The following VAV2 variants were observed in gnomAD, a reference collection of about 807,000 sequenced individuals.
The protein encoded by VAV2 is vav guanine nucleotide exchange factor 2.
In VAV2, 67 loss-of-function variants were observed where a neutral mutation model predicts 132.5. That is an observed-to-expected ratio of 0.51 (90% confidence interval 0.42 to 0.62). VAV2 has a LOEUF of 0.62. VAV2 is among the 20% of genes least tolerant of loss of function. The pLI, the probability that VAV2 is intolerant of heterozygous loss-of-function variation, is 0.00. For synonymous variants in VAV2, 492 were observed against 443.5 expected (o/e 1.11, Z -1.37); for missense variants, 938 against 1,153.6 (o/e 0.81, Z 2.71).
intron 2 of VAV2, among the ~76,000 whole-genome samples, chr9:133,905,927 C>A (rs1011314698): frequency 1.6e-4 from 24 of 152,128 alleles, no homozygotes; most frequent in African/African-American, 5.6e-4. Flanking sequence ...GTAATCCCAG[C>A]TACTTGGGAG....
intron 1 of VAV2, among the ~76,000 whole-genome samples, chr9:133,981,762 G>A (rs995082049): frequency 3.3e-5 from 5 of 152,312 alleles, no homozygotes; most frequent in East Asian, 1.9e-4. Flanking sequence ...GCCACTCATC[G>A]TGTTTCCAAG....
chr9:133,881,420 G>T (rs900396603), intron 2 of VAV2, among the ~76,000 whole-genome samples: 1 of 152,220 alleles, frequency 6.6e-6, no homozygotes, highest in African/African-American at 2.4e-5. Flanking sequence ...AGGGGCCTGG[G>T]TGACAGGAGG....
chr9:133,853,229 G>T, intron 3 of VAV2, among the ~76,000 whole-genome samples: 1 of 152,204 alleles, frequency 6.6e-6, no homozygotes, highest in East Asian at 1.9e-4. Context: ...GTGTTCTGCT[G>T]CCCCTGCAGA....
intron 13 of VAV2, 87 bp from the exon 14 acceptor site, chr9:133,789,430 C>T: frequency 7.6e-7 from 1 of 1,311,360 alleles, no homozygotes; most frequent in Non-Finnish European, 1.1e-6. Flanking sequence ...GTCGTGCACC[C>T]AAGGGAACTC....
chr9:133,964,062 T>TAC (rs1842065006), intron 1 of VAV2, among the ~76,000 whole-genome samples: 1 of 137,714 alleles, frequency 7.3e-6, no homozygotes, highest in Non-Finnish European at 1.5e-5. Flanking sequence ...TATATATACA[T>TAC]ATATATAAAT....
rs752685749 is a variant in VAV2, at chr9:133,812,222, CAGG to C, written c.450-9_450-7del. On this transcript the variant is annotated splice_polypyrimidine_tract_variant and splice_region_variant and intron_variant, in intron 4 of 29. Coordinates refer to ENST00000371850, the MANE Select transcript of VAV2 (RefSeq NM_001134398.2). ...CCTCCCCCAGGTCATGCTCGCTGCA[CAGG>C]AGGAGGCGGGTTAGAGGGGAGGGGA... The C allele has an allele frequency of 8.1e-6, 13 of 1,613,394 alleles. No homozygotes were observed. Among genetic ancestry groups the C allele is most frequent in the African/African-American group, 4.0e-5 (3 of 74,928 alleles).
intron 3 of VAV2, among the ~76,000 whole-genome samples, chr9:133,853,615 A>G: frequency 6.6e-6 from 1 of 151,874 alleles, no homozygotes; most frequent in East Asian, 1.9e-4. Context: ...CAACCCACAC[A>G]TGCCGCCCCC....
chr9:133,901,080 A>G (rs1245344525), intron 2 of VAV2, among the ~76,000 whole-genome samples: 3 of 152,164 alleles, frequency 2.0e-5, no homozygotes, highest in Middle Eastern at 3.4e-3. Flanking sequence ...TATCATAGGC[A>G]TGAGCCACCG....
intron 1 of VAV2, among the ~76,000 whole-genome samples, chr9:133,944,318 C>T (rs1443932581): frequency 6.6e-6 from 1 of 152,168 alleles, no homozygotes; most frequent in African/African-American, 2.4e-5. Flanking sequence ...CCTCGCCCTC[C>T]AGAGCTGGCA....
intron 4 of VAV2, among the ~76,000 whole-genome samples, chr9:133,828,863 CTGGGAT>C (rs1836154381): frequency 6.6e-6 from 1 of 152,244 alleles, no homozygotes; most frequent in African/African-American, 2.4e-5. Context: ...ACTCCTCCTG[CTGGGAT>C]AGTGCCCCGG....
intron 2 of VAV2, among the ~76,000 whole-genome samples, chr9:133,867,102 C>T (rs1040405834): frequency 2.0e-5 from 3 of 152,162 alleles, no homozygotes; most frequent in Admixed American, 2.0e-4. Flanking sequence ...ACAACACCGC[C>T]CGTGAGTGCC....
intron 3 of VAV2, among the ~76,000 whole-genome samples, chr9:133,841,728 C>A (rs570115125): frequency 1.3e-5 from 2 of 152,346 alleles, no homozygotes; most frequent in South Asian, 4.1e-4. Flanking sequence ...GGTCTGGGTT[C>A]AAGCCCTGGC....
At chr9:133,778,040 G>A (rs1833876429) in intron 22 of VAV2, among the ~76,000 whole-genome samples, 1 of 152,172 alleles carries the variant, frequency 6.6e-6, no homozygotes, top group South Asian at 2.1e-4. Context: ...AGGGGCCGAG[G>A]ACTGGGGGTC....
intron 2 of VAV2, among the ~76,000 whole-genome samples, chr9:133,914,486 CA>C (rs1227776064): frequency 5.4e-5 from 8 of 149,152 alleles, no homozygotes; most frequent in African/African-American, 1.5e-4. Flanking sequence ...ACACCACACT[CA>C]GGGGAAGATG....
chr9:133,913,281 G>A (rs994733205), intron 2 of VAV2, among the ~76,000 whole-genome samples: 5 of 152,172 alleles, frequency 3.3e-5, no homozygotes, highest in Admixed American at 1.3e-4. Context: ...AAAAACACGC[G>A]TTGCCACCAC....
intron 1 of VAV2, among the ~76,000 whole-genome samples, chr9:133,963,449 A>C (rs557225002): frequency 1.3e-5 from 2 of 152,290 alleles, no homozygotes; most frequent in East Asian, 3.9e-4. Flanking sequence ...GTGTGTCAAC[A>C]GAGAGCCTGC....
chr9:133,976,731 G>A (rs1007420953), intron 1 of VAV2, among the ~76,000 whole-genome samples: 4 of 152,210 alleles, frequency 2.6e-5, no homozygotes, highest in East Asian at 3.8e-4. Context: ...AGAGAATCAC[G>A]TGGGACTTGT....
intron 2 of VAV2, among the ~76,000 whole-genome samples, chr9:133,904,758 T>C (rs1263507008): frequency 6.6e-6 from 1 of 152,242 alleles, no homozygotes; most frequent in Non-Finnish European, 1.5e-5. Context: ...GCTGAGTCAG[T>C]GCTGAGGGCC....
At chr9:133,899,897 C>T (rs1349084471) in intron 2 of VAV2, among the ~76,000 whole-genome samples, 2 of 151,238 alleles carry the variant, frequency 1.3e-5, no homozygotes, top group African/African-American at 4.8e-5. Flanking sequence ...GGCGGGCACC[C>T]GTAGTCCCAG....
Sources: allele counts gnomAD v4.1 joint callset (sites outside exome capture counted in the v4.1 genomes callset), GRCh38; gene constraint gnomAD v4.1.1; transcripts MANE v1.5; gene names NCBI Gene and HGNC (gene_info 2026-07-23, HGNC 2026-07-21).